RANBP2: variants seen among roughly 807,000 people sequenced by gnomAD.
RANBP2 encodes E3 SUMO-protein ligase RanBP2.
A neutral mutation model predicts 303.6 loss-of-function variants in RANBP2; 57 were observed. The ratio of observed to expected loss-of-function variants is 0.19; its 90% CI spans 0.15 to 0.23. RANBP2 has a LOEUF of 0.23. Among genes scored for constraint, RANBP2 ranks in the 10% least tolerant of loss-of-function variants. The probability of loss-of-function intolerance (pLI) is 1.00; values close to 1 mark genes in which losing one functional copy is unlikely to be tolerated. For synonymous variants in RANBP2, 1,167 were observed against 1,301.5 expected (o/e 0.90, Z 2.23); for missense variants, 3,138 against 3,780.8 (o/e 0.83, Z 4.46).
At chr2:109,719,861 C>T in the RANBP2 span, among the ~76,000 whole-genome samples, 1 of 152,162 alleles carries the variant, frequency 6.6e-6, no homozygotes, top group Non-Finnish European at 1.5e-5. Flanking sequence ...GGCTTGGCCA[C>T]AGTGATGATT....
the RANBP2 span, among the ~76,000 whole-genome samples, chr2:109,307,524 T>G: frequency 3.4e-5 from 5 of 147,892 alleles, no homozygotes; most frequent in African/African-American, 1.3e-4. Flanking sequence ...CTGCACCCAC[T>G]AACTCGTCAT....
chr2:108,775,551 G>A (rs1011856841), intron 23 of RANBP2, among the ~76,000 whole-genome samples, 181 bp from the exon 24 acceptor site: 2 of 152,162 alleles, frequency 1.3e-5, no homozygotes, highest in African/African-American at 2.4e-5. Context: ...CTTCTTAGAG[G>A]TGCTCTGTAT....
At chr2:109,537,492 T>C in the RANBP2 span, among the ~76,000 whole-genome samples, 1 of 152,200 alleles carries the variant, frequency 6.6e-6, no homozygotes, top group African/African-American at 2.4e-5. Context: ...GACCAGACTA[T>C]AAATACCCTT....
the RANBP2 span, among the ~76,000 whole-genome samples, chr2:108,915,206 G>T: frequency 2.6e-5 from 4 of 152,304 alleles, 1 homozygote; most frequent in South Asian, 6.2e-4. Flanking sequence ...TCCATGCCTG[G>T]GCTGGCTGTT....
chr2:108,922,334 G>C, the RANBP2 span, among the ~76,000 whole-genome samples: 1 of 152,252 alleles, frequency 6.6e-6, no homozygotes, highest in African/African-American at 2.4e-5. Context: ...CATGAGTCAG[G>C]CTGGCAGCCG....
At chr2:108,732,331 A>G (rs1014480437) in intron 4 of RANBP2, among the ~76,000 whole-genome samples, 1 of 152,132 alleles carries the variant, frequency 6.6e-6, no homozygotes, top group Non-Finnish European at 1.5e-5. Flanking sequence ...CCGAAATCCT[A>G]AATGCTCCAG....
In RANBP2 at chr2:108,758,544, A is replaced by T. The variant is rs765306431; in HGVS notation, c.2598A>T (p.Leu866=). The change falls in exon 18 of 29, where the codon CTA becomes CTT. Residue 866 remains leucine, a synonymous_variant. Transcript: ENST00000283195. The stretch of plus-strand genomic sequence containing the variant: ...CACAGACATTTCATGGGGCTCCACT[A>T]ACAGGTGAGCTGGCAAGTGGATAAT... ...QGSQTFHGAP[L]TVATTGPSVY... is the part of the protein sequence containing the mutation. 6.2e-7 allele frequency: 1 copy of T among 1,611,094 alleles called. No homozygotes were observed.
At chr2:109,662,956 A>G in the RANBP2 span, among the ~76,000 whole-genome samples, 1 of 152,188 alleles carries the variant, frequency 6.6e-6, no homozygotes, top group Admixed American at 6.5e-5. Flanking sequence ...CAAAGTAGAT[A>G]TTAACACTCA....
At chr2:109,138,619 TC>T in the RANBP2 span, among the ~76,000 whole-genome samples, 2 of 152,300 alleles carry the variant, frequency 1.3e-5, no homozygotes, top group East Asian at 1.9e-4. Flanking sequence ...ATTCTAGTCT[TC>T]CTGTTCATCT....
the RANBP2 span, among the ~76,000 whole-genome samples, chr2:109,436,269 A>G: frequency 2.0e-5 from 3 of 152,216 alleles, no homozygotes; most frequent in African/African-American, 7.2e-5. Flanking sequence ...CAGGACATGG[A>G]TTAATTGCAA....
At chr2:108,946,711 A>C in the RANBP2 span, among the ~76,000 whole-genome samples, 1 of 152,182 alleles carries the variant, frequency 6.6e-6, no homozygotes, top group African/African-American at 2.4e-5. Flanking sequence ...GATACATATC[A>C]AACAACCAGA....
At chr2:109,702,503 C>T in the RANBP2 span, among the ~76,000 whole-genome samples, 2 of 152,184 alleles carry the variant, frequency 1.3e-5, no homozygotes, top group African/African-American at 4.8e-5. Context: ...CAAGCCAGAG[C>T]GTGTTCCATG....
At chr2:109,566,559 G>A in the RANBP2 span, among the ~76,000 whole-genome samples, 1 of 152,180 alleles carries the variant, frequency 6.6e-6, no homozygotes, top group African/African-American at 2.4e-5. Flanking sequence ...TTGTTTGTGT[G>A]TGTGTGTACA....
At chr2:108,845,712 T>C in the RANBP2 span, among the ~76,000 whole-genome samples, 132,497 of 151,796 alleles carry the variant, frequency 0.87, 58,204 homozygotes, top group East Asian at 1. Context: ...GCTGGGACTA[T>C]GGGCACCCGC....
chr2:109,341,996 T>C, the RANBP2 span, among the ~76,000 whole-genome samples: 1 of 152,152 alleles, frequency 6.6e-6, no homozygotes, highest in Non-Finnish European at 1.5e-5. Context: ...CCGCAGTGCT[T>C]GGTGTGTATA....
the RANBP2 span, among the ~76,000 whole-genome samples, chr2:109,683,625 C>T: frequency 2.6e-5 from 4 of 152,002 alleles, no homozygotes; most frequent in Admixed American, 6.6e-5. Flanking sequence ...CCTGGCCGGC[C>T]GTACTGCTCC....
the RANBP2 span, among the ~76,000 whole-genome samples, chr2:108,991,895 C>T: frequency 6.6e-6 from 1 of 152,160 alleles, no homozygotes; most frequent in Non-Finnish European, 1.5e-5. Context: ...GAACCTCTGC[C>T]TCCCAGGTTT....
the RANBP2 span, among the ~76,000 whole-genome samples, chr2:109,370,210 T>TCTCTGC: frequency 4.0e-5 from 6 of 149,320 alleles, no homozygotes; most frequent in Non-Finnish European, 7.4e-5. Flanking sequence ...TCTGTCTCTG[T>TCTCTGC]CTCTGTCTCT....
chr2:109,272,013 C>T, the RANBP2 span, among the ~76,000 whole-genome samples: 1 of 152,110 alleles, frequency 6.6e-6, no homozygotes, highest in African/African-American at 2.4e-5. Context: ...ATGGGTGAAC[C>T]ATATCTTGAC....
Sources: allele counts gnomAD v4.1 joint callset (sites outside exome capture counted in the v4.1 genomes callset), GRCh38; gene constraint gnomAD v4.1.1; transcripts MANE v1.5; gene names NCBI Gene and HGNC (gene_info 2026-07-23, HGNC 2026-07-21).